Variants in MGA observed in about 807,000 individuals in gnomAD.
The protein encoded by MGA is MAX gene-associated protein.
MGA carries 40 observed loss-of-function variants against 261.1 expected under a neutral mutation model. The observed-to-expected ratio is 0.15, with a 90% CI of 0.12 to 0.20. The LOEUF is 0.20. MGA is among the 10% of genes least tolerant of loss of function. MGA has a pLI of 1.00. For synonymous variants in MGA, 1,302 were observed against 1,290.6 expected (o/e 1.01, Z -0.19); for missense variants, 3,397 against 3,630.5 (o/e 0.94, Z 1.65).
chr15:41,671,580 C>G (rs1234550126), intron 2 of MGA, among the ~76,000 whole-genome samples: 1 of 152,082 alleles, frequency 6.6e-6, no homozygotes, highest in African/African-American at 2.4e-5. Flanking sequence ...CCACCCGCCT[C>G]CGCCTCCCAA....
intron 2 of MGA, among the ~76,000 whole-genome samples, chr15:41,686,221 T>TA (rs1211532525): frequency 1.3e-5 from 2 of 151,904 alleles, no homozygotes; most frequent in Non-Finnish European, 2.9e-5. Flanking sequence ...GTGTTGAAAA[T>TA]AAATTTTGAG....
chr15:41,651,942 T>C (rs2057069709), intron 1 of MGA, among the ~76,000 whole-genome samples: 4 of 33,890 alleles, frequency 1.2e-4, no homozygotes, highest in Non-Finnish European at 1.6e-4. Flanking sequence ...TCCCCCCGTC[T>C]CTCCTCTTCC....
chr15:41,657,385 G>C (rs1457828920), upstream of MGA, among the ~76,000 whole-genome samples: 1 of 128,316 alleles, frequency 7.8e-6, no homozygotes, highest in Non-Finnish European at 1.5e-5. Flanking sequence ...ATGGAGTCTT[G>C]CTCTGTCGTT....
rs545647523 is a variant in MGA, at chr15:41,765,748, C to G, written c.7922-256C>G. ...TTAGGAGAAGAATTAACTTGGGGAG[C>G]ATTTCTATAAAATAATTAAATGGAA... On this transcript the variant is annotated intron_variant, in intron 23 of 23. Coordinates refer to ENST00000219905, the MANE Select transcript of MGA (RefSeq NM_001164273.2). Among the ~76,000 whole-genome samples, 3 of 152,218 alleles carry G rather than the reference C, an allele frequency of 2.0e-5. No individual in the cohort carries two copies. In the South Asian group the frequency reaches 6.2e-4, roughly 32 times the overall value.
Position 41,749,246 on chromosome 15 carries a change from T to C in MGA, c.5639T>C (p.Ile1880Thr), listed in dbSNP as rs746346640. The change falls in exon 17 of 24, where the codon ATC (isoleucine) becomes ACC (threonine). Residue 1880 changes from isoleucine to threonine, a missense_variant. Physicochemically the swap from Ile to Thr is moderately conservative, Grantham distance 89. This residue lies in a region of MGA where 1,410 missense variants were observed against 1,386.4 expected (regional missense o/e 1.02). Transcript: ENST00000219905. ...GGGTCTTCTTCAGCAGTGAATGTTA[T>C]CACTCAGGCACCATCATTGCTTTCC... 7 of 1,614,056 alleles carry C rather than the reference T, an allele frequency of 4.3e-6. No homozygotes were observed. The highest frequency in any genetic ancestry group is 1.3e-5 in the African/African-American group (1 of 75,068).
chr15:41,715,955 A>G (rs2060612422), intron 9 of MGA, among the ~76,000 whole-genome samples: 1 of 152,234 alleles, frequency 6.6e-6, no homozygotes, highest in East Asian at 1.9e-4. Context: ...AAGCAGGAAT[A>G]GTGCTTACCT....
intron 2 of MGA, among the ~76,000 whole-genome samples, chr15:41,687,077 CAG>C (rs1438690744): frequency 3.3e-5 from 5 of 151,896 alleles, no homozygotes; most frequent in Admixed American, 2.6e-4. Flanking sequence ...AGTGAAGCCA[CAG>C]AGTTTTCTTG....
chr15:41,748,562 T>C, intron 15 of MGA, 75 bp from the exon 16 acceptor site: 2 of 1,470,418 alleles, frequency 1.4e-6, no homozygotes, highest in South Asian at 2.7e-5. Flanking sequence ...TCTTAAAAAA[T>C]ATTATGAATA....
intron 5 of MGA, among the ~76,000 whole-genome samples, chr15:41,703,322 C>T (rs1022587542): frequency 4.1e-5 from 6 of 147,970 alleles, no homozygotes; most frequent in Admixed American, 2.1e-4. Context: ...TGATGTTGAC[C>T]TTGATCACCT....
chr15:41,706,431 T>C (rs981425361), intron 5 of MGA, among the ~76,000 whole-genome samples: 1 of 151,726 alleles, frequency 6.6e-6, no homozygotes. Context: ...TTTGTTCAGA[T>C]AGATTTTATG....
chr15:41,713,164 C>G lies in MGA; in HGVS notation c.3098C>G (p.Thr1033Ser), dbSNP rs759592930. The change falls in exon 9 of 24, where the codon ACT (threonine) becomes AGT (serine). Residue 1033 changes from threonine (T) to serine (S), a missense_variant. Around this residue, in one of 9 missense-constraint regions of MGA, gnomAD observed 519 missense variants for 554.1 expected, o/e 0.94. Coordinates refer to ENST00000219905, the MANE Select transcript of MGA (RefSeq NM_001164273.2). Reference sequence around the variant, plus strand: ...CTTTGACTTTAGGCATCCCTCAAAACTAAACCTATCCACACAATCATAAGG... The same window carrying G: ...CTTTGACTTTAGGCATCCCTCAAAAGTAAACCTATCCACACAATCATAAGG... 8.7e-6 allele frequency: 14 copies of G among 1,612,122 alleles called. No individual in the cohort carries two copies. The South Asian group carries it at 1.4e-4, about 16-fold the overall frequency.
intron 5 of MGA, among the ~76,000 whole-genome samples, chr15:41,703,067 T>C (rs184099587): frequency 6.6e-6 from 1 of 152,344 alleles, no homozygotes; most frequent in East Asian, 1.9e-4. Flanking sequence ...GTTCATACTT[T>C]ATTCAGATTT....
In MGA at chr15:41,669,091, T is replaced by C; in HGVS notation, c.197T>C (p.Leu66Pro). ...GTAAAATCTAAAGGGAAGATTTGCC[T>C]TCCAGCTGATTGTACTGTGGGTGGA... Residue 66 changes from leucine to proline, a missense_variant, in exon 2 of 24, where the codon CTT becomes CCT. Coordinates refer to ENST00000219905, the MANE Select transcript of MGA (RefSeq NM_001164273.2). The C allele has an allele frequency of 6.2e-7, 1 of 1,610,118 alleles. No homozygotes were observed. The highest frequency in any genetic ancestry group is 8.5e-7 in the Non-Finnish European group (1 of 1,176,468).
intron 5 of MGA, among the ~76,000 whole-genome samples, chr15:41,702,080 G>T (rs1309941929): frequency 6.6e-6 from 1 of 152,036 alleles, no homozygotes; most frequent in Non-Finnish European, 1.5e-5. Context: ...AGCACTTTGA[G>T]AGGCCAAGGC....
chr15:41,661,042 A>G (rs1279466858), intron 1 of MGA, among the ~76,000 whole-genome samples: 1 of 152,202 alleles, frequency 6.6e-6, no homozygotes, highest in Non-Finnish European at 1.5e-5. Context: ...ACCTGTGCAA[A>G]CGTCTTTTCT....
In MGA at chr15:41,767,372, C is replaced by CTGACT; in HGVS notation, c.*93_*94insGACTT. The stretch of plus-strand genomic sequence containing the variant: ...GCATCTGTTTGTTTGTGTCTTAGAA[C>CTGACT]TTGGATCCTTGACTTCAATGATGCA... On this transcript the variant is annotated 3_prime_UTR_variant, in exon 24 of 24. Coordinates refer to ENST00000219905, the MANE Select transcript of MGA (RefSeq NM_001164273.2). 1 of 1,347,202 alleles carries CTGACT rather than the reference C, an allele frequency of 7.4e-7. No homozygotes were observed. The highest frequency in any genetic ancestry group is 1.0e-6 in the Non-Finnish European group (1 of 986,860). 83.5% of individuals were successfully genotyped at this position (1,347,202 alleles called of 1,614,324 possible).
chr15:41,705,085 T>C (rs1595797751), intron 5 of MGA, among the ~76,000 whole-genome samples: 1 of 152,350 alleles, frequency 6.6e-6, no homozygotes, highest in Middle Eastern at 3.4e-3. Context: ...CTATGAATTA[T>C]TCAGCCAAAT....
chr15:41,655,383 G>A (rs999904290), intron 1 of MGA, among the ~76,000 whole-genome samples: 2 of 151,860 alleles, frequency 1.3e-5, no homozygotes, highest in African/African-American at 4.8e-5. Context: ...GTGTTGGCAA[G>A]GCTGATCTCG....
intron 1 of MGA, among the ~76,000 whole-genome samples, chr15:41,661,572 A>G (rs2057402745): frequency 3.9e-5 from 6 of 152,172 alleles, no homozygotes; most frequent in Admixed American, 3.9e-4. Context: ...ATGGCAGACC[A>G]ACACGAGAAA....
Sources: allele counts gnomAD v4.1 joint callset (sites outside exome capture counted in the v4.1 genomes callset), GRCh38; gene constraint gnomAD v4.1.1; regional missense constraint gnomAD v4.1.1; transcripts MANE v1.5; gene names NCBI Gene and HGNC (gene_info 2026-07-23, HGNC 2026-07-21).